The following SERPINB5 variants were observed in gnomAD, a reference collection of about 807,000 sequenced individuals.
SERPINB5 encodes the protein serpin family B member 5.
In SERPINB5, 27 loss-of-function variants were observed where a neutral mutation model predicts 32.2. The ratio of observed to expected loss-of-function variants is 0.84; its 90% CI spans 0.62 to 1.16. The LOEUF is 1.16. SERPINB5 is among the 50% of genes most tolerant of loss of function. The probability of loss-of-function intolerance (pLI) is 0.00; values close to 1 mark genes in which losing one functional copy is unlikely to be tolerated. For synonymous variants in SERPINB5, 154 were observed against 157.4 expected, an observed-to-expected ratio of 0.98 and a Z score of 0.16; for missense variants, 388 against 436.3, an observed-to-expected ratio of 0.89 and a Z score of 0.99.
Position 63,503,794 on chromosome 18 carries a change from G to T in SERPINB5, c.*72G>T, listed in dbSNP as rs1263870491. 2.7e-6 allele frequency: 4 copies of T among 1,467,648 alleles called. No individual in the cohort carries two copies. Among genetic ancestry groups the T allele is most frequent in the African/African-American group, 2.8e-5 (2 of 70,664 alleles). The allele number at this position is 1,467,648 out of a possible 1,614,324, so 90.9% of individuals were successfully genotyped here. A position where few individuals can be genotyped will look rare whatever the true frequency, so the allele number is the denominator to read the frequency against. On this transcript the variant is annotated 3_prime_UTR_variant, in exon 7 of 7. Coordinates refer to ENST00000382771, the MANE Select transcript of SERPINB5 (RefSeq NM_002639.5). ...GATTTCTGTAAACTCTGCATCCAGA[G>T]ATTCATTTTCTAGATACAATAAATT...
At chr18:63,494,701 A>AT (rs1214608180) in intron 5 of SERPINB5, among the ~76,000 whole-genome samples, 1 of 152,120 alleles carries the variant, frequency 6.6e-6, no homozygotes, top group Admixed American at 6.5e-5. Context: ...GATGGCTTCC[A>AT]TTACTCTTTC....
intron 2 of SERPINB5, 143 bp downstream of exon 2, chr18:63,484,739 A>AAATTTTTTTTT: frequency 6.9e-6 from 1 of 144,442 alleles, no homozygotes; most frequent in Non-Finnish European, 1.3e-5. Flanking sequence ...GACTCTCTTA[A>AAATTTTTTTTT]TCTTTTTTTT....
intron 5 of SERPINB5, 136 bp downstream of exon 5, chr18:63,493,231 C>T: frequency 9.1e-7 from 1 of 1,100,630 alleles, no homozygotes; most frequent in Non-Finnish European, 1.4e-6. Context: ...CTGAGATGAA[C>T]AGCTGGAAGG....
chr18:63,477,511 G>A (rs992623510), intron 1 of SERPINB5, among the ~76,000 whole-genome samples: 5 of 152,268 alleles, frequency 3.3e-5, no homozygotes, highest in African/African-American at 1.2e-4. Context: ...CCTGGCTGAC[G>A]TTGTAAGGCT....
chr18:63,500,452 G>A (rs1909548288), intron 6 of SERPINB5, among the ~76,000 whole-genome samples: 1 of 152,000 alleles, frequency 6.6e-6, no homozygotes, highest in Non-Finnish European at 1.5e-5. Context: ...TTTGAATTAT[G>A]CAGATACTAT....
At chr18:63,492,033 C>A (rs1198900674) in intron 4 of SERPINB5, among the ~76,000 whole-genome samples, 5 of 152,132 alleles carry the variant, frequency 3.3e-5, no homozygotes, top group African/African-American at 1.2e-4. Flanking sequence ...AGTGCAGGGT[C>A]CTTCACACAG....
At chr18:63,483,302 T>TATG in intron 1 of SERPINB5, among the ~76,000 whole-genome samples, 1 of 152,234 alleles carries the variant, frequency 6.6e-6, no homozygotes, top group East Asian at 1.9e-4. Flanking sequence ...CCAAAGAGAC[T>TATG]ATGAGCTTAG....
At position 63,498,935 on chromosome 18, in the gene SERPINB5, G is replaced by A. The variant is rs1909509546; in HGVS notation, c.568-185G>A. The stretch of plus-strand genomic sequence containing the variant: ...TATATATGTATATGTGTATATATAG[G>A]TGTATGTATATATGTATGTGTATCT... On this transcript the variant is annotated intron_variant, in intron 5 of 6. Transcript: ENST00000382771. This position sits in a 1 kb window ranked among gnomAD's most constrained non-coding sequence, Gnocchi z 4.2. Among the ~76,000 whole-genome samples the A allele has an allele frequency of 6.7e-6, 1 of 150,184 alleles. No homozygotes were observed. The highest frequency in any genetic ancestry group is 1.5e-5 in the Non-Finnish European group (1 of 67,666).
intron 5 of SERPINB5, among the ~76,000 whole-genome samples, chr18:63,494,202 A>G (rs964684984): frequency 2.0e-5 from 3 of 151,610 alleles, no homozygotes; most frequent in Non-Finnish European, 4.4e-5. Context: ...TGTGCCTGTA[A>G]TCCCAGCTGC....
intron 1 of SERPINB5, among the ~76,000 whole-genome samples, chr18:63,481,693 T>C (rs891896087): frequency 6.6e-6 from 1 of 152,256 alleles, no homozygotes; most frequent in Non-Finnish European, 1.5e-5. Flanking sequence ...TTTCCTATTC[T>C]GAAAGTCTGT....
chr18:63,486,288 A>G (rs1470390089), intron 2 of SERPINB5, among the ~76,000 whole-genome samples: 2 of 152,084 alleles, frequency 1.3e-5, no homozygotes, highest in East Asian at 3.9e-4. Flanking sequence ...GGGCCATCTG[A>G]CTCTAGCCAG....
chr18:63,479,804 T>C (rs1917097346), intron 1 of SERPINB5, among the ~76,000 whole-genome samples: 1 of 152,070 alleles, frequency 6.6e-6, no homozygotes, highest in African/African-American at 2.4e-5. Flanking sequence ...GTTTACAACA[T>C]AAGTGGCAGA....
chr18:63,481,163 A>G (rs1022765531), intron 1 of SERPINB5, among the ~76,000 whole-genome samples: 1 of 152,248 alleles, frequency 6.6e-6, no homozygotes, highest in African/African-American at 2.4e-5. Context: ...TTGTGTAATT[A>G]ACTACACTAA....
chr18:63,489,988 C>G (rs573498757), intron 4 of SERPINB5, among the ~76,000 whole-genome samples: 7 of 152,238 alleles, frequency 4.6e-5, no homozygotes, highest in Non-Finnish European at 7.4e-5. Flanking sequence ...GTCAGGAGAT[C>G]GAGACCATCC....
chr18:63,484,425 C>T lies in SERPINB5; in HGVS notation c.-4C>T, dbSNP rs768528614. On this transcript the variant is annotated 5_prime_UTR_variant, in exon 2 of 7. Coordinates refer to ENST00000382771, the MANE Select transcript of SERPINB5 (RefSeq NM_002639.5). The stretch of plus-strand genomic sequence containing the variant: ...GCTCCCTTGTCCTTGCTTCCAGGCC[C>T]GCAATGGATGCCCTGCAACTAGCAA... The T allele has an allele frequency of 4.3e-5, 70 of 1,610,024 alleles. 1 individual carries two copies. The East Asian group carries it at 5.1e-4, about 12-fold the overall frequency.
chr18:63,497,141 A>G (rs1909464243), intron 5 of SERPINB5: 1 of 638,910 alleles, frequency 1.6e-6, no homozygotes, highest in Non-Finnish European at 3.0e-6. Flanking sequence ...AGGTGTGGCC[A>G]GACAGGAGTT....
At chr18:63,496,793 A>G (rs183761993) in intron 5 of SERPINB5, among the ~76,000 whole-genome samples, 1 of 152,358 alleles carries the variant, frequency 6.6e-6, no homozygotes, top group African/African-American at 2.4e-5. Flanking sequence ...TTTACAACTT[A>G]GCGTGAATTA....
intron 6 of SERPINB5, among the ~76,000 whole-genome samples, chr18:63,501,059 T>C (rs1239256918): frequency 6.6e-6 from 1 of 152,156 alleles, no homozygotes; most frequent in Non-Finnish European, 1.5e-5. Context: ...TTTTTTTAAT[T>C]ATACATTAAG....
intron 2 of SERPINB5, chr18:63,486,567 C>T (rs1051723169): frequency 6.0e-6 from 1 of 167,792 alleles, no homozygotes; most frequent in Non-Finnish European, 1.3e-5. Context: ...GAAGAAAGGA[C>T]AAATGTTCTC....
Sources: allele counts gnomAD v4.1 joint callset (sites outside exome capture counted in the v4.1 genomes callset), GRCh38; gene constraint gnomAD v4.1.1; non-coding constraint Gnocchi (gnomAD v3.1); transcripts MANE v1.5; gene names NCBI Gene and HGNC (gene_info 2026-07-23, HGNC 2026-07-21).